ENTREP2: variants seen among roughly 807,000 people sequenced by gnomAD.
ENTREP2 encodes protein ENTREP2.
chr15:29,411,855 T>C, the ENTREP2 span, among the ~76,000 whole-genome samples: 2 of 152,354 alleles, frequency 1.3e-5, no homozygotes, highest in Non-Finnish European at 2.9e-5. Flanking sequence ...GAACCATTTA[T>C]GGTAGACTCC....
chr15:29,455,280 C>G, the ENTREP2 span, among the ~76,000 whole-genome samples: 4 of 152,134 alleles, frequency 2.6e-5, no homozygotes, highest in African/African-American at 4.8e-5. Context: ...GTGAGGCCAT[C>G]AATGCACGAC....
chr15:29,628,432 C>T, the ENTREP2 span, among the ~76,000 whole-genome samples: 25 of 152,156 alleles, frequency 1.6e-4, no homozygotes, highest in African/African-American at 6.0e-4. Flanking sequence ...TTTTTATGAT[C>T]CAGGTTTTCA....
At chr15:29,281,279 C>T in the ENTREP2 span, among the ~76,000 whole-genome samples, 1 of 152,046 alleles carries the variant, frequency 6.6e-6, no homozygotes, top group Non-Finnish European at 1.5e-5. Context: ...ATTAGTCTTA[C>T]TTAAGGATGA....
the ENTREP2 span, among the ~76,000 whole-genome samples, chr15:29,126,031 C>T: frequency 2.0e-5 from 3 of 152,144 alleles, no homozygotes; most frequent in Non-Finnish European, 2.9e-5. Flanking sequence ...GACTGGGCCC[C>T]GGGCCCCTTG....
chr15:29,224,333 G>A, the ENTREP2 span, among the ~76,000 whole-genome samples: 10 of 152,268 alleles, frequency 6.6e-5, no homozygotes, highest in East Asian at 3.9e-4. Context: ...AGAGTGAGCA[G>A]CAGCAACTTA....
the ENTREP2 span, among the ~76,000 whole-genome samples, chr15:29,634,965 C>T: frequency 1.3e-5 from 2 of 152,190 alleles, no homozygotes; most frequent in South Asian, 2.1e-4. Flanking sequence ...GCCATCCAGC[C>T]TCCCGAGTAG....
At chr15:29,291,838 CT>C in the ENTREP2 span, among the ~76,000 whole-genome samples, 1 of 151,502 alleles carries the variant, frequency 6.6e-6, no homozygotes, top group Non-Finnish European at 1.5e-5. Flanking sequence ...AACAGCAAAA[CT>C]TTTAGGTTTG....
At chr15:29,650,994 C>T in the ENTREP2 span, among the ~76,000 whole-genome samples, 1 of 152,120 alleles carries the variant, frequency 6.6e-6, no homozygotes, top group South Asian at 2.1e-4. Context: ...CCAGCCTGGG[C>T]AACAGATAGA....
At chr15:29,439,699 A>C in the ENTREP2 span, among the ~76,000 whole-genome samples, 1 of 152,312 alleles carries the variant, frequency 6.6e-6, no homozygotes, top group Middle Eastern at 3.4e-3. Flanking sequence ...AATATTTATT[A>C]ATCACTATGG....
At chr15:29,427,361 T>C in the ENTREP2 span, among the ~76,000 whole-genome samples, 1 of 152,186 alleles carries the variant, frequency 6.6e-6, no homozygotes, top group South Asian at 2.1e-4. Context: ...ACCTGAGATA[T>C]AGCCCTATCT....
the ENTREP2 span, among the ~76,000 whole-genome samples, chr15:29,328,840 T>C: frequency 6.6e-6 from 1 of 152,150 alleles, no homozygotes; most frequent in Non-Finnish European, 1.5e-5. Flanking sequence ...GATGGTTATA[T>C]ATAGAAATAG....
chr15:29,222,478 C>T, the ENTREP2 span, among the ~76,000 whole-genome samples: 10 of 152,116 alleles, frequency 6.6e-5, no homozygotes, highest in Admixed American at 3.9e-4. Context: ...TTCTTTCTTG[C>T]GCAAGATCCA....
At chr15:29,637,833 G>C in the ENTREP2 span, among the ~76,000 whole-genome samples, 8 of 152,298 alleles carry the variant, frequency 5.3e-5, no homozygotes, top group Middle Eastern at 3.4e-3. Flanking sequence ...CCAACTAGCT[G>C]GTCTGAGAAA....
chr15:29,535,548 G>A, the ENTREP2 span, among the ~76,000 whole-genome samples: 1 of 152,044 alleles, frequency 6.6e-6, no homozygotes, highest in African/African-American at 2.4e-5. Flanking sequence ...TAATTAGCCA[G>A]GTATGGTGAT....
chr15:29,399,585 T>TAA, the ENTREP2 span, among the ~76,000 whole-genome samples: 1 of 152,176 alleles, frequency 6.6e-6, no homozygotes, highest in South Asian at 2.1e-4. Flanking sequence ...ATACTATATA[T>TAA]AGTTGTCCCT....
the ENTREP2 span, among the ~76,000 whole-genome samples, chr15:29,620,534 A>C: frequency 6.6e-6 from 1 of 152,042 alleles, no homozygotes. Flanking sequence ...GCTACTTGGG[A>C]GGCTGAGGCA....
chr15:29,592,290 G>A, the ENTREP2 span, among the ~76,000 whole-genome samples: 2 of 152,216 alleles, frequency 1.3e-5, no homozygotes, highest in East Asian at 3.9e-4. Flanking sequence ...TATAGGTCTA[G>A]GTTCAGGGAA....
the ENTREP2 span, among the ~76,000 whole-genome samples, chr15:29,149,854 C>A: frequency 6.6e-6 from 1 of 152,180 alleles, no homozygotes; most frequent in African/African-American, 2.4e-5. Flanking sequence ...CGTCACAGAC[C>A]GGAAAGGATG....
chr15:29,546,116 T>C, the ENTREP2 span, among the ~76,000 whole-genome samples: 68,238 of 152,024 alleles, frequency 0.45, 16,469 homozygotes, highest in African/African-American at 0.64. Flanking sequence ...ACTTCTGATA[T>C]GACACATTGG....
Sources: allele counts gnomAD v4.1 joint callset (sites outside exome capture counted in the v4.1 genomes callset), GRCh38; gene constraint gnomAD v4.1.1; transcripts MANE v1.5; gene names NCBI Gene and HGNC (gene_info 2026-07-23, HGNC 2026-07-21).